Variants in ADAMTS19 observed in about 807,000 individuals in gnomAD.
The protein encoded by ADAMTS19 is ADAM metallopeptidase with thrombospondin type 1 motif 19.
In ADAMTS19, 93 loss-of-function variants were observed where a neutral mutation model predicts 153.3. The ratio of observed to expected loss-of-function variants is 0.61; its 90% CI spans 0.51 to 0.72. The LOEUF (loss-of-function observed/expected upper bound fraction) is 0.72. Ranked by LOEUF, ADAMTS19 falls within the 30% of genes least tolerant of loss-of-function variation. The probability of loss-of-function intolerance (pLI) is 0.00; values close to 1 mark genes in which losing one functional copy is unlikely to be tolerated. For synonymous variants in ADAMTS19, 600 were observed against 556.6 expected (o/e 1.08, Z -1.10); for missense variants, 1,482 against 1,552.1 (o/e 0.95, Z 0.76).
intron 2 of ADAMTS19, among the ~76,000 whole-genome samples, chr5:129,502,016 G>T (rs112069242): frequency 6.6e-6 from 1 of 152,150 alleles, no homozygotes; most frequent in African/African-American, 2.4e-5. Flanking sequence ...GGTGGCGGTG[G>T]ACTATGAGTG....
chr5:129,539,568 A>G (rs1752583599), intron 6 of ADAMTS19, among the ~76,000 whole-genome samples: 1 of 152,110 alleles, frequency 6.6e-6, no homozygotes, highest in African/African-American at 2.4e-5. Context: ...AAACTGATGC[A>G]TTCCTATATC....
intron 21 of ADAMTS19, among the ~76,000 whole-genome samples, chr5:129,705,511 CTCTT>C (rs1269138839): frequency 3.9e-5 from 6 of 152,162 alleles, no homozygotes; most frequent in Admixed American, 6.5e-5. Flanking sequence ...AAACTAGACT[CTCTT>C]TCTACTACTT....
At chr5:129,618,028 C>A (rs1332137561) in intron 8 of ADAMTS19, among the ~76,000 whole-genome samples, 1 of 151,978 alleles carries the variant, frequency 6.6e-6, no homozygotes, top group Non-Finnish European at 1.5e-5. Context: ...CACAACAAAT[C>A]AGTCAAGGAA....
intron 7 of ADAMTS19, among the ~76,000 whole-genome samples, chr5:129,576,680 G>A (rs1754115510): frequency 6.6e-6 from 1 of 150,782 alleles, no homozygotes. Flanking sequence ...GGGGGACTTT[G>A]TGTAGGTCAG....
chr5:129,600,385 G>A (rs968011981), intron 8 of ADAMTS19, among the ~76,000 whole-genome samples: 2 of 151,718 alleles, frequency 1.3e-5, no homozygotes, highest in Non-Finnish European at 2.9e-5. Flanking sequence ...AACTAATAAC[G>A]AACTATGATA....
At position 129,637,654 on chromosome 5, in the gene ADAMTS19, G is replaced by A. The variant is rs111485568; in HGVS notation, c.1771-4205G>A. On this transcript the variant is annotated intron_variant, in intron 10 of 22. Coordinates refer to ENST00000274487, the MANE Select transcript of ADAMTS19 (RefSeq NM_133638.6). ...GAGGTCAGGAGTTCAAGACCAGCCTGGCCAACTTGGCAAAACCCTGTCTCT... is the reference window on the plus strand; with the variant it reads ...GAGGTCAGGAGTTCAAGACCAGCCTAGCCAACTTGGCAAAACCCTGTCTCT... Among the ~76,000 whole-genome samples the A allele has an allele frequency of 7.4e-3, 1,134 of 152,264 alleles. 13 individuals carry two copies. Among genetic ancestry groups the A allele is most frequent in the African/African-American group, 0.026 (1,088 of 41,538 alleles).
At chr5:129,706,550 C>T (rs949069980) in intron 21 of ADAMTS19, among the ~76,000 whole-genome samples, 1 of 119,182 alleles carries the variant, frequency 8.4e-6, no homozygotes, top group African/African-American at 3.2e-5. Flanking sequence ...GCCTGGGTAA[C>T]AAGAGTGAAA....
intron 3 of ADAMTS19, among the ~76,000 whole-genome samples, chr5:129,518,452 G>A (rs557556374): frequency 6.6e-6 from 1 of 152,072 alleles, no homozygotes; most frequent in South Asian, 2.1e-4. Context: ...ATGTTAGAAG[G>A]GTATTTTTGC....
chr5:129,603,152 T>C (rs1473298689), intron 8 of ADAMTS19, among the ~76,000 whole-genome samples: 1 of 152,090 alleles, frequency 6.6e-6, no homozygotes, highest in East Asian at 1.9e-4. Flanking sequence ...AAAGAGTTCA[T>C]CAAATGGCAG....
chr5:129,502,878 G>T (rs1193922870), intron 2 of ADAMTS19, among the ~76,000 whole-genome samples: 1 of 152,186 alleles, frequency 6.6e-6, no homozygotes, highest in Non-Finnish European at 1.5e-5. Flanking sequence ...AGAAAGACAT[G>T]AAACTATAAC....
intron 7 of ADAMTS19, among the ~76,000 whole-genome samples, chr5:129,579,299 T>G (rs1185742454): frequency 1.3e-5 from 2 of 152,208 alleles, no homozygotes; most frequent in Non-Finnish European, 2.9e-5. Flanking sequence ...GTTTTTTTCT[T>G]GTAAATTTGA....
rs1752463376 is a variant in ADAMTS19 at position 129,537,077 on chromosome 5, A to G, written c.1328+8400A>G. ...ATTATAATAATAATTTAAAAAAAAGAAAAAAGAAAAAAACAACCCCATCAA... is the reference window on the plus strand; with the variant it reads ...ATTATAATAATAATTTAAAAAAAAGGAAAAAGAAAAAAACAACCCCATCAA... On this transcript the variant is annotated intron_variant, in intron 6 of 22. Transcript: ENST00000274487. 2.6e-5 allele frequency among the ~76,000 whole-genome samples: 4 copies of G among 151,208 alleles called. No homozygotes were observed. In the South Asian group the frequency reaches 8.4e-4, roughly 32 times the overall value.
At chr5:129,563,560 AG>A (rs1336414929) in intron 7 of ADAMTS19, among the ~76,000 whole-genome samples, 1 of 152,206 alleles carries the variant, frequency 6.6e-6, no homozygotes, top group Non-Finnish European at 1.5e-5. Flanking sequence ...TTGCCCACTC[AG>A]TCTAGTGGGA....
intron 8 of ADAMTS19, among the ~76,000 whole-genome samples, chr5:129,617,159 A>G (rs1751569116): frequency 6.6e-6 from 1 of 152,088 alleles, no homozygotes; most frequent in East Asian, 1.9e-4. Context: ...GTCAGGACTA[A>G]GCATTGTTTC....
intron 2 of ADAMTS19, among the ~76,000 whole-genome samples, chr5:129,495,166 C>G (rs1410210141): frequency 6.6e-6 from 1 of 151,790 alleles, no homozygotes; most frequent in Non-Finnish European, 1.5e-5. Flanking sequence ...TGAGGAATTC[C>G]CTAATAAAGG....
At chr5:129,536,230 C>A (rs201400377) in intron 6 of ADAMTS19, among the ~76,000 whole-genome samples, 1 of 152,146 alleles carries the variant, frequency 6.6e-6, no homozygotes, top group East Asian at 1.9e-4. Flanking sequence ...AAACAAACAA[C>A]CCCATCAAAA....
intron 6 of ADAMTS19, among the ~76,000 whole-genome samples, chr5:129,535,512 A>T (rs1431000360): frequency 6.6e-6 from 1 of 152,212 alleles, no homozygotes; most frequent in Non-Finnish European, 1.5e-5. Context: ...ATTCAATGCC[A>T]TCCCCATCAA....
chr5:129,504,406 G>A (rs989751272), intron 2 of ADAMTS19, among the ~76,000 whole-genome samples: 5 of 152,082 alleles, frequency 3.3e-5, no homozygotes, highest in Non-Finnish European at 7.3e-5. Context: ...CATCACAAAT[G>A]CACATATTTT....
At position 129,644,552 on chromosome 5, in the gene ADAMTS19, T is replaced by C. The variant is rs143153361; in HGVS notation, c.1872+2592T>C. Among the ~76,000 whole-genome samples, 176 of 152,222 alleles carry C rather than the reference T, an allele frequency of 1.2e-3. 1 individual carries two copies. The highest frequency in any genetic ancestry group is 6.8e-3 in the Middle Eastern group (2 of 294). On this transcript the variant is annotated intron_variant, in intron 11 of 22. Transcript: ENST00000274487. ...TTCTGAATGATTTTGAACAAAGAGG[T>C]TTATATACTCTTTATGGACAGCATA... is the stretch of plus-strand genomic sequence containing the variant.
Sources: gnomAD v4.1 joint callset for allele counts (sites outside exome capture counted in the v4.1 genomes callset) on GRCh38, gnomAD v4.1.1 for gene constraint, MANE v1.5 for transcripts, NCBI Gene and HGNC (gene_info 2026-07-23, HGNC 2026-07-21) for gene names.